The following TPH2 variants were observed in gnomAD, a reference collection of about 807,000 sequenced individuals.
TPH2 encodes the protein tryptophan 5-hydroxylase 2.
A neutral mutation model predicts 59.1 loss-of-function variants in TPH2; 27 were observed. That is an observed-to-expected ratio of 0.46 (90% CI 0.34 to 0.63). The LOEUF (loss-of-function observed/expected upper bound fraction) is 0.63. Among genes scored for constraint, TPH2 ranks in the 30% least tolerant of loss-of-function variants. The pLI is 0.01. For synonymous variants in TPH2, 220 were observed against 210.5 expected (o/e 1.05, Z -0.39); for missense variants, 523 against 588.3 (o/e 0.89, Z 1.15).
At chr12:71,979,390 A>G (rs976546502) in intron 7 of TPH2, among the ~76,000 whole-genome samples, 17 of 152,140 alleles carry the variant, frequency 1.1e-4, no homozygotes, top group Non-Finnish European at 5.9e-5. Flanking sequence ...TAAAGTAGAC[A>G]CTGACACATG....
intron 5 of TPH2, among the ~76,000 whole-genome samples, chr12:71,956,142 C>A (rs1871489067): frequency 6.6e-6 from 1 of 152,198 alleles, no homozygotes; most frequent in African/African-American, 2.4e-5. Flanking sequence ...ACCAGGCAGC[C>A]TGAATATCTT....
At chr12:71,980,237 A>C (rs1461318866) in intron 7 of TPH2, among the ~76,000 whole-genome samples, 1 of 152,224 alleles carries the variant, frequency 6.6e-6, no homozygotes, top group Non-Finnish European at 1.5e-5. Flanking sequence ...CATTAAAATG[A>C]GTGCCTTGCT....
In TPH2 at chr12:71,975,674, A is replaced by G. The variant is rs573059819; in HGVS notation, c.805+2959A>G. On this transcript the variant is annotated intron_variant, in intron 6 of 10. Coordinates refer to ENST00000333850, the MANE Select transcript of TPH2 (RefSeq NM_173353.4). ...ACTCAGAGCAAGTCCTGCCTCCTTC[A>G]TGAATCTTGATTATAGAAGCCACCA... Among the ~76,000 whole-genome samples, 5 of 152,282 alleles carry G rather than the reference A, an allele frequency of 3.3e-5. No individual in the cohort carries two copies. The East Asian group carries it at 5.8e-4, about 18-fold the overall frequency.
At chr12:71,950,252 G>T (rs1487855440) in intron 5 of TPH2, among the ~76,000 whole-genome samples, 1 of 152,204 alleles carries the variant, frequency 6.6e-6, no homozygotes, top group East Asian at 1.9e-4. Context: ...TCGCATCCGT[G>T]TGAAGAGACC....
At chr12:72,003,716 T>C (rs1232957796) in intron 8 of TPH2, among the ~76,000 whole-genome samples, 1 of 152,228 alleles carries the variant, frequency 6.6e-6, no homozygotes, top group Non-Finnish European at 1.5e-5. Context: ...TGCCATCTAT[T>C]TATATTATGA....
chr12:71,990,084 AT>A (rs1306856438), intron 7 of TPH2, among the ~76,000 whole-genome samples: 1 of 152,150 alleles, frequency 6.6e-6, no homozygotes, highest in Non-Finnish European at 1.5e-5. Flanking sequence ...GCAAAAATGT[AT>A]CAAAGGGATG....
intron 8 of TPH2, among the ~76,000 whole-genome samples, chr12:72,012,254 C>T (rs1416551304): frequency 2.0e-5 from 3 of 151,886 alleles, no homozygotes; most frequent in Non-Finnish European, 2.9e-5. Flanking sequence ...AGCTCAGGGT[C>T]TGGTGGAGAG....
chr12:71,951,530 T>G (rs1292820091), intron 5 of TPH2, among the ~76,000 whole-genome samples: 1 of 152,160 alleles, frequency 6.6e-6, no homozygotes, highest in Non-Finnish European at 1.5e-5. Flanking sequence ...CTTTTTGTAT[T>G]TTTGACAGGG....
chr12:71,948,601 A>G (rs1257384784), intron 4 of TPH2, among the ~76,000 whole-genome samples: 4 of 152,176 alleles, frequency 2.6e-5, no homozygotes, highest in Admixed American at 1.3e-4. Context: ...GAGGTAGTCT[A>G]GGCCTTTGTG....
intron 8 of TPH2, among the ~76,000 whole-genome samples, chr12:72,011,955 G>A (rs1873109142): frequency 6.6e-6 from 1 of 152,176 alleles, no homozygotes. Flanking sequence ...AAACCACTTT[G>A]ATGGCTACTG....
chr12:72,013,980 C>T (rs565309917), intron 8 of TPH2, among the ~76,000 whole-genome samples: 4 of 152,102 alleles, frequency 2.6e-5, no homozygotes, highest in South Asian at 2.1e-4. Flanking sequence ...TGGTGGGTTT[C>T]GTTGAGAGGC....
chr12:72,004,076 T>C (rs566289875), intron 8 of TPH2, among the ~76,000 whole-genome samples: 1 of 138,984 alleles, frequency 7.2e-6, no homozygotes, highest in East Asian at 2.8e-4. Context: ...ACAGCTGGGA[T>C]CTCTCAGCAC....
At chr12:71,977,155 G>A (rs10784945) in intron 6 of TPH2, among the ~76,000 whole-genome samples, 129,019 of 152,180 alleles carry the variant, frequency 0.85, 54,797 homozygotes, top group East Asian at 0.96. Flanking sequence ...AGGCTCAAGC[G>A]ATTCTTGTGC....
At chr12:71,961,711 T>A in intron 5 of TPH2, 1 of 1,348,642 alleles carries the variant, frequency 7.4e-7, no homozygotes, top group Non-Finnish European at 9.8e-7. Context: ...CATGATAGTT[T>A]TTGCAGATGA....
chr12:71,973,303 G>A (rs2139204211), intron 6 of TPH2, among the ~76,000 whole-genome samples: 1 of 152,276 alleles, frequency 6.6e-6, no homozygotes, highest in Admixed American at 6.5e-5. Flanking sequence ...AGACCTTGCT[G>A]ATAAAACAGG....
chr12:72,012,616 A>C (rs1873128633), intron 8 of TPH2, among the ~76,000 whole-genome samples: 1 of 152,198 alleles, frequency 6.6e-6, no homozygotes, highest in Non-Finnish European at 1.5e-5. Context: ...AAGGTTTGTC[A>C]TTGGGCTACC....
chr12:71,987,171 T>C (rs1160086168), intron 7 of TPH2, among the ~76,000 whole-genome samples: 1 of 152,128 alleles, frequency 6.6e-6, no homozygotes, highest in Non-Finnish European at 1.5e-5. Context: ...AACTAGAAAA[T>C]AGCAAAACCA....
intron 5 of TPH2, among the ~76,000 whole-genome samples, chr12:71,958,746 C>T (rs1350367906): frequency 6.6e-6 from 1 of 152,172 alleles, no homozygotes; most frequent in Non-Finnish European, 1.5e-5. Context: ...AAATCAATTG[C>T]CAGGGATGTG....
At chr12:71,997,502 A>G (rs945305737) in intron 8 of TPH2, among the ~76,000 whole-genome samples, 1 of 152,194 alleles carries the variant, frequency 6.6e-6, no homozygotes, top group Non-Finnish European at 1.5e-5. Flanking sequence ...AGGATGAGTA[A>G]GTTTTCTTTA....
Sources: allele counts gnomAD v4.1 joint callset (sites outside exome capture counted in the v4.1 genomes callset), GRCh38; gene constraint gnomAD v4.1.1; transcripts MANE v1.5; gene names NCBI Gene and HGNC (gene_info 2026-07-23, HGNC 2026-07-21).